The following LRP10 variants were observed in gnomAD, a reference collection of about 807,000 sequenced individuals.
LRP10 encodes the protein low-density lipoprotein receptor-related protein 10.
Under a neutral mutation model 58.5 loss-of-function variants are expected in LRP10, and 42 were observed. The ratio of observed to expected loss-of-function variants is 0.72; its 90% confidence interval spans 0.56 to 0.93. The LOEUF is 0.93. Ranked by LOEUF, LRP10 falls within the 40% of genes least tolerant of loss-of-function variation. The pLI is 0.00. For missense variants in LRP10, 872 were observed against 940.1 expected (o/e 0.93, Z 0.95); for synonymous variants, 377 against 388.5 (o/e 0.97, Z 0.35).
Position 22,877,253 on chromosome 14 carries a change from C to T in LRP10, c.1868C>T (p.Pro623Leu). The part of the protein sequence containing the change: ...APPLPIKAPL[P>L]SASTSPAPTT... ...CCACTGCCCATCAAGGCTCCCCTCC[C>T]ATCTGCTAGCACGTCTCCAGCCCCC... The change falls in exon 7 of 7, where the codon CCA (proline) becomes CTA (leucine). Residue 623 changes from proline (P) to leucine (L), a missense_variant. Physicochemically the swap from Pro to Leu is moderately conservative, Grantham distance 98 (BLOSUM62 -3). Transcript: ENST00000359591. This position sits in a 1 kb window ranked among gnomAD's most constrained non-coding sequence, Gnocchi z 5.1. 14 of 1,610,422 alleles carry T rather than the reference C, an allele frequency of 8.7e-6. No individual in the cohort carries two copies. The highest frequency in any genetic ancestry group is 1.2e-5 in the Non-Finnish European group (14 of 1,178,062).
Position 22,873,392 on chromosome 14 carries a change from C to G in LRP10, c.161C>G (p.Pro54Arg). Residue 54 changes from proline to arginine, a missense_variant, in exon 3 of 7, where the codon CCT (proline) becomes CGT (arginine). By Grantham distance (103) the Pro-to-Arg change is moderately radical. Transcript: ENST00000359591. ...RPLVRDSRTS[P>R]ANCTWLILGS... ...CTGGTCCGGGACAGCCGCACCTCCC[C>G]TGCCAACTGCACCTGGCTCATCCTG... is the stretch of plus-strand genomic sequence containing the variant. 6.2e-7 allele frequency: 1 copy of G among 1,614,164 alleles called. No homozygotes were observed. The highest frequency in any genetic ancestry group is 1.6e-4 in the Middle Eastern group (1 of 6,062).
Position 22,875,950 on chromosome 14 carries a change from G to C in LRP10, c.1002G>C (p.Glu334Asp), listed in dbSNP as rs2138783380. Residue 334 changes from glutamate (E) to aspartate (D), a missense_variant, in exon 5 of 7, where the codon GAG becomes GAC. Glu to Asp is a conservative substitution (Grantham distance 45, BLOSUM62 2). Transcript: ENST00000359591. ...GEGLGERCYS[E>D]AQRCDGSWDC... ...GCCTAGGTGAGCGCTGCTACAGTGA[G>C]GCACAGCGCTGTGACGGCTCATGGG... 1 of 1,613,720 alleles carries C rather than the reference G, an allele frequency of 6.2e-7. No individual in the cohort carries two copies. Among genetic ancestry groups the C allele is most frequent in the South Asian group, 1.1e-5 (1 of 91,090 alleles).
At position 22,873,449 on chromosome 14, in the gene LRP10, GAGAAGCAGAACA is replaced by G. The variant is rs1260687845; in HGVS notation, c.215+7_215+18del. 1.2e-6 allele frequency: 2 copies of G among 1,613,802 alleles called. No individual in the cohort carries two copies. The highest frequency in any genetic ancestry group is 2.7e-5 in the African/African-American group (2 of 74,860). ...AAGGAACAGACTGTCACCATCAGGT[GAGAAGCAGAACA>G]AGAGCAAGAACCCATTCTTCTCCCC... On this transcript the variant is annotated splice_donor_5th_base_variant and intron_variant, in intron 3 of 6. Coordinates refer to ENST00000359591, the MANE Select transcript of LRP10 (RefSeq NM_014045.5).
Position 22,872,112 on chromosome 14 carries a change from C to A in LRP10, c.-192C>A. 1.6e-6 allele frequency: 1 copy of A among 617,306 alleles called. No individual in the cohort carries two copies. Among genetic ancestry groups the A allele is most frequent in the South Asian group, 1.9e-5 (1 of 53,694 alleles). 38.2% of individuals were successfully genotyped at this position (617,306 alleles called of 1,614,324 possible). A position where few individuals can be genotyped will look rare whatever the true frequency, so the allele number is the denominator to read the frequency against. On this transcript the variant is annotated 5_prime_UTR_variant, in exon 1 of 7. Transcript: ENST00000359591. ...CAACTCCAAAGTTGGCGAAAGGCAC[C>A]GCCCCTACTCCCGGGCTGCCGCCGC...
Position 22,875,714 on chromosome 14 carries a change from C to T in LRP10, c.766C>T (p.Pro256Ser). 1 of 1,613,900 alleles carries T rather than the reference C, an allele frequency of 6.2e-7. No individual in the cohort carries two copies. Among genetic ancestry groups the T allele is most frequent in the Non-Finnish European group, 8.5e-7 (1 of 1,179,780 alleles). The part of the protein sequence containing the change: ...AVHVYDGPGP[P>S]ESSRLLRSLT... ...GCATGTGTATGACGGCCCTGGGCCC[C>T]CTGAGAGCTCCCGACTACTGCGTAG... is the stretch of plus-strand genomic sequence containing the variant. Residue 256 changes from proline to serine, a missense_variant, in exon 5 of 7, where the codon CCT (proline) becomes TCT (serine). Physicochemically the swap from Pro to Ser is moderately conservative, Grantham distance 74. Coordinates refer to ENST00000359591, the MANE Select transcript of LRP10 (RefSeq NM_014045.5).
rs376275192 is a variant in LRP10, at chr14:22,875,480, C to G, written c.532C>G (p.Pro178Ala). The G allele has an allele frequency of 6.2e-7, 1 of 1,614,192 alleles. No individual in the cohort carries two copies. Among genetic ancestry groups the G allele is most frequent in the Non-Finnish European group, 8.5e-7 (1 of 1,180,032 alleles). Residue 178 changes from proline (P) to alanine (A), a missense_variant, in exon 5 of 7, where the codon CCC becomes GCC. Physicochemically the swap from Pro to Ala is conservative, Grantham distance 27. Coordinates refer to ENST00000359591, the MANE Select transcript of LRP10 (RefSeq NM_014045.5). The stretch of plus-strand genomic sequence containing the variant: ...TGATGAAGCAGGTTGCAGCTCAGAC[C>G]CCTTCCCTGGCCTGACCCCAAGACC... ...GSDEAGCSSD[P>A]FPGLTPRPVP...
Position 22,873,320 on chromosome 14 carries a change from AC to A in LRP10, c.95del (p.Pro32GlnfsTer5). 6.2e-7 allele frequency: 1 copy of A among 1,611,440 alleles called. No individual in the cohort carries two copies. The highest frequency in any genetic ancestry group is 2.2e-5 in the East Asian group (1 of 44,762). On this transcript the variant is annotated frameshift_variant, in exon 3 of 7. Transcript: ENST00000359591. LOFTEE classifies it high-confidence loss of function. Reference sequence around the variant, plus strand: ...ACCTTCCTCTCTCCAGCTTGTGAGGACCCCCCAGCAGTGCTCTTAGAAGTGC... The same window carrying A: ...ACCTTCCTCTCTCCAGCTTGTGAGGACCCCCAGCAGTGCTCTTAGAAGTGC... ...RIIFPNHACE[D>X]PPAVLLEVQG... is the part of the protein sequence containing the mutation.
In LRP10 at chr14:22,877,361, G is replaced by A. The variant is rs1234871117; in HGVS notation, c.1976G>A (p.Arg659Gln). The part of the protein sequence containing the change: ...SLLSGVVQAL[R>Q]GRLLPSLGPP... ...TTGTCTGGAGTGGTGCAGGCCCTGC[G>A]AGGCCGCCTGTTGCCCAGCCTGGGG... The change falls in exon 7 of 7, where the codon CGA becomes CAA. Residue 659 changes from arginine (R) to glutamine (Q), a missense_variant. Transcript: ENST00000359591. This position sits in a 1 kb window ranked among gnomAD's most constrained non-coding sequence, Gnocchi z 5.1. 10 of 1,613,472 alleles carry A rather than the reference G, an allele frequency of 6.2e-6. No homozygotes were observed. The highest frequency in any genetic ancestry group is 2.2e-5 in the East Asian group (1 of 44,872).
intron 2 of LRP10, 34 bp from the exon 3 acceptor site, chr14:22,873,277 G>C (rs768719244): frequency 9.8e-5 from 156 of 1,598,174 alleles, no homozygotes; most frequent in Non-Finnish European, 1.3e-4. Flanking sequence ...CAAAGGGGCT[G>C]TCTACTACCC....
chr14:22,873,174 G>A, intron 2 of LRP10, 137 bp from the exon 3 acceptor site: 1 of 1,008,742 alleles, frequency 9.9e-7, no homozygotes, highest in Non-Finnish European at 1.5e-6. Flanking sequence ...ACTCTAGGCT[G>A]TGTGTGGGCA....
rs770850637 is a variant in LRP10, at chr14:22,875,194, G to A, written c.355G>A (p.Ala119Thr). 15 of 1,611,898 alleles carry A rather than the reference G, an allele frequency of 9.3e-6. No individual in the cohort carries two copies. In the African/African-American group the frequency reaches 1.9e-4, roughly 20 times the overall value. ...GGNVTITYSY[A>T]GARAPMGQGF... The stretch of plus-strand genomic sequence containing the variant: ...CAACGTCACCATCACTTACAGCTAT[G>A]CTGGGGCCAGAGCACCCATGGGCCA... The change falls in exon 4 of 7, where the codon GCT (alanine) becomes ACT (threonine). Residue 119 changes from alanine (A) to threonine (T), a missense_variant. Transcript: ENST00000359591.
In LRP10 at chr14:22,872,282, CG is replaced by C. The variant is rs2039962558; in HGVS notation, c.-20del. The C allele has an allele frequency of 2.5e-6, 4 of 1,613,808 alleles. No homozygotes were observed. The South Asian group carries it at 4.4e-5, about 18-fold the overall frequency. The stretch of plus-strand genomic sequence containing the variant: ...GACCACAGAAGCTCCGGGACCCTTC[CG>C]GCACCTCTGGACAGCCCAGGATGCT... On this transcript the variant is annotated 5_prime_UTR_variant, in exon 1 of 7. Coordinates refer to ENST00000359591, the MANE Select transcript of LRP10 (RefSeq NM_014045.5).
chr14:22,876,599 C>A, intron 5 of LRP10, 90 bp from the exon 6 acceptor site: 2 of 1,533,810 alleles, frequency 1.3e-6, no homozygotes, highest in East Asian at 2.3e-5. Context: ...CTGGCCTGGC[C>A]CGGGTGTGGA....
rs1307924539 is a variant in LRP10 at position 22,880,426 on chromosome 14, C to T, written c.*2899C>T. Reference sequence around the variant, plus strand: ...AACTCAGTCCTTAAGAAACAAAATTCTGCCAGGCGCAGTAGCTCACACCTG... The same window carrying T: ...AACTCAGTCCTTAAGAAACAAAATTTTGCCAGGCGCAGTAGCTCACACCTG... On this transcript the variant is annotated 3_prime_UTR_variant, in exon 7 of 7. Coordinates refer to ENST00000359591, the MANE Select transcript of LRP10 (RefSeq NM_014045.5). 1 of 151,874 alleles carries T rather than the reference C, an allele frequency of 6.6e-6. No homozygotes were observed. Among genetic ancestry groups the T allele is most frequent in the Non-Finnish European group, 1.5e-5 (1 of 68,018 alleles). 9.4% of individuals were successfully genotyped at this position (151,874 alleles called of 1,614,324 possible).
intron 1 of LRP10, 45 bp from the exon 2 acceptor site, chr14:22,872,693 C>T (rs768039658): frequency 6.2e-7 from 1 of 1,601,036 alleles, no homozygotes; most frequent in Non-Finnish European, 8.6e-7. Context: ...AAGAAAACTC[C>T]TAAGGAGTGT....
intron 1 of LRP10, 23 bp downstream of exon 1, chr14:22,872,360 C>T: frequency 2.5e-6 from 4 of 1,613,882 alleles, no homozygotes; most frequent in Non-Finnish European, 3.4e-6. Flanking sequence ...ACGATACCAA[C>T]CCCCAGCCTT....
Position 22,875,664 on chromosome 14 carries a change from T to G in LRP10, c.716T>G (p.Leu239Arg). ...CGGCTGGCCGTGCGCTTCACAGCCC[T>G]GGACTTGGGCTTTGGAGATGCAGTG... ...GRRLAVRFTA[L>R]DLGFGDAVHV... Residue 239 changes from leucine to arginine, a missense_variant, in exon 5 of 7, where the codon CTG becomes CGG. Leu to Arg is a moderately radical substitution (Grantham distance 102). Coordinates refer to ENST00000359591, the MANE Select transcript of LRP10 (RefSeq NM_014045.5). 1.2e-6 allele frequency: 2 copies of G among 1,614,170 alleles called. No homozygotes were observed. Among genetic ancestry groups the G allele is most frequent in the Non-Finnish European group, 1.7e-6 (2 of 1,180,032 alleles).
In LRP10 at chr14:22,875,171, A is replaced by T; in HGVS notation, c.332A>T (p.Asn111Ile). The part of the protein sequence containing the change: ...PPSPLQLPGG[N>I]VTITYSYAGA... ...AGCCCTCTGCAGCTGCCCGGGGGCA[A>T]CGTCACCATCACTTACAGCTATGCT... Residue 111 changes from asparagine (N) to isoleucine (I), a missense_variant, in exon 4 of 7, where the codon AAC becomes ATC. Coordinates refer to ENST00000359591, the MANE Select transcript of LRP10 (RefSeq NM_014045.5). 6.2e-7 allele frequency: 1 copy of T among 1,613,598 alleles called. No homozygotes were observed.
chr14:22,877,884 C>G lies in LRP10; in HGVS notation c.*357C>G, dbSNP rs187983996. 2 of 186,138 alleles carry G rather than the reference C, an allele frequency of 1.1e-5. No homozygotes were observed. The highest frequency in any genetic ancestry group is 2.7e-4 in the East Asian group (2 of 7,446). 11.5% of individuals were successfully genotyped at this position (186,138 alleles called of 1,614,324 possible). On this transcript the variant is annotated 3_prime_UTR_variant, in exon 7 of 7. Coordinates refer to ENST00000359591, the MANE Select transcript of LRP10 (RefSeq NM_014045.5). This position sits in a 1 kb window ranked among gnomAD's most constrained non-coding sequence, Gnocchi z 5.1. ...TTGCCAAACCTCTACCCAAAAGTGG[C>G]CTTAAGCACCGGAATGCCAATTAAC...
Sources: allele counts gnomAD v4.1 joint callset, GRCh38; gene constraint gnomAD v4.1.1; non-coding constraint Gnocchi (gnomAD v3.1); transcripts MANE v1.5; gene names NCBI Gene and HGNC (gene_info 2026-07-23, HGNC 2026-07-21).